The following NARF variants were observed in gnomAD, a reference collection of about 807,000 sequenced individuals.
The protein encoded by NARF is iron-only hydrogenase-like protein 2.
Under a neutral mutation model 48.0 loss-of-function variants are expected in NARF, and 41 were observed. The ratio of observed to expected loss-of-function variants is 0.85; its 90% CI spans 0.66 to 1.11. The LOEUF is 1.11. Among genes scored for constraint, NARF ranks in the 50% least tolerant of loss-of-function variants. The probability of loss-of-function intolerance (pLI) is 0.00; values close to 1 mark genes in which losing one functional copy is unlikely to be tolerated. For missense variants in NARF, 613 were observed against 590.2 expected, an observed-to-expected ratio of 1.04 and a Z score of -0.40; for synonymous variants, 215 against 225.5, an observed-to-expected ratio of 0.95 and a Z score of 0.42.
In NARF at chr17:82,485,505, A is replaced by G; in HGVS notation, c.980A>G (p.Asp327Gly). ...CTGTGTTCATTTTGTAGAAACAAAG[A>G]CTTCCAAGAGGTCACCCTTGAGAAG... ...EVTYRALRNK[D>G]FQEVTLEKNG... Residue 327 changes from aspartate (D) to glycine (G), a missense_variant, in exon 10 of 11, where the codon GAC (aspartate) becomes GGC (glycine). By Grantham distance (94) the Asp-to-Gly change is moderately conservative (BLOSUM62 -1). Transcript: ENST00000309794. 1 of 1,614,022 alleles carries G rather than the reference A, an allele frequency of 6.2e-7. No individual in the cohort carries two copies. The highest frequency in any genetic ancestry group is 8.5e-7 in the Non-Finnish European group (1 of 1,179,934).
intron 3 of NARF, among the ~76,000 whole-genome samples, chr17:82,464,818 G>A (rs536485655): frequency 6.6e-6 from 1 of 152,138 alleles, no homozygotes; most frequent in African/African-American, 2.4e-5. Flanking sequence ...CTAATAGACC[G>A]ATCAGCTTGG....
chr17:82,472,593 G>A lies in NARF; in HGVS notation c.415G>A (p.Ala139Thr). 6.2e-7 allele frequency: 1 copy of A among 1,613,500 alleles called. No homozygotes were observed. The highest frequency in any genetic ancestry group is 1.3e-5 in the African/African-American group (1 of 74,956). Residue 139 changes from alanine (A) to threonine (T), a missense_variant, in exon 5 of 11, where the codon GCT (alanine) becomes ACT (threonine). Ala to Thr is a moderately conservative substitution (Grantham distance 58). Transcript: ENST00000309794. Reference sequence around the variant, plus strand: ...GCACTATGTATTTGATACGACGATAGCTGCGGATTTTAGTATCCTGGAGAG... The same window carrying A: ...GCACTATGTATTTGATACGACGATAACTGCGGATTTTAGTATCCTGGAGAG... ...GVHYVFDTTI[A>T]ADFSILESQK...
At chr17:82,459,289 C>T (rs986983408) in intron 1 of NARF, 1 of 608,418 alleles carries the variant, frequency 1.6e-6, no homozygotes, top group Non-Finnish European at 2.1e-6. Flanking sequence ...TGGCAACAAC[C>T]GCGCAGCGCA....
At chr17:82,474,288 A>C (rs1183486654) in intron 5 of NARF, among the ~76,000 whole-genome samples, 1 of 152,214 alleles carries the variant, frequency 6.6e-6, no homozygotes, top group Non-Finnish European at 1.5e-5. Context: ...TAAAAAAAAT[A>C]CAGAATAAGA....
At position 82,472,664 on chromosome 17, in the gene NARF, A is replaced by G. The variant is rs1271755949; in HGVS notation, c.486A>G (p.Glu162=). 54 of 1,613,764 alleles carry G rather than the reference A, an allele frequency of 3.3e-5. No homozygotes were observed. The highest frequency in any genetic ancestry group is 4.5e-5 in the Non-Finnish European group (53 of 1,179,932). ...VRRYRQHSEE[E]RTLPMLTSAC... is the part of the protein sequence containing the mutation. ...GCTATCGCCAGCACAGTGAGGAGGA[A>G]CGCACCCTGCCCATGCTGACCTCTG... Residue 162 remains glutamate, a synonymous_variant, in exon 5 of 11, where the codon GAA becomes GAG. Coordinates refer to ENST00000309794, the MANE Select transcript of NARF (RefSeq NM_012336.4).
chr17:82,463,592 T>G (rs1472552379), intron 2 of NARF: 1 of 152,572 alleles, frequency 6.6e-6, no homozygotes, highest in Non-Finnish European at 1.5e-5. Context: ...AAGGGGGCTG[T>G]GATGGGACCC....
rs774990543 is a variant in NARF at position 82,485,583 on chromosome 17, A to G, written c.1058A>G (p.Gln353Arg). ...FAAAYGFRNI[Q>R]NMILKLKKGK... ...GCAGCCTATGGCTTTCGAAACATCC[A>G]GAACATGATCCTGAAGCTTAAGAAG... The change falls in exon 10 of 11, where the codon CAG (glutamine) becomes CGG (arginine). Residue 353 changes from glutamine (Q) to arginine (R), a missense_variant. By Grantham distance (43) the Gln-to-Arg change is conservative. Coordinates refer to ENST00000309794, the MANE Select transcript of NARF (RefSeq NM_012336.4). The G allele has an allele frequency of 6.2e-7, 1 of 1,614,262 alleles. No individual in the cohort carries two copies. The highest frequency in any genetic ancestry group is 1.1e-5 in the South Asian group (1 of 91,092).
chr17:82,485,603 A>C lies in NARF; in HGVS notation c.1078A>C (p.Lys360Gln). The change falls in exon 10 of 11, where the codon AAG becomes CAG. Residue 360 changes from lysine to glutamine, a missense_variant. Coordinates refer to ENST00000309794, the MANE Select transcript of NARF (RefSeq NM_012336.4). ...CATCCAGAACATGATCCTGAAGCTT[A>C]AGAAGGGCAAGTTCCCATTCCACTT... The part of the protein sequence containing the change: ...RNIQNMILKL[K>Q]KGKFPFHFVE... 6.2e-7 allele frequency: 1 copy of C among 1,614,210 alleles called. No individual in the cohort carries two copies. Among genetic ancestry groups the C allele is most frequent in the Non-Finnish European group, 8.5e-7 (1 of 1,180,044 alleles).
chr17:82,473,113 G>T (rs1355265260), intron 5 of NARF, among the ~76,000 whole-genome samples: 2 of 151,394 alleles, frequency 1.3e-5, no homozygotes, highest in Admixed American at 1.3e-4. Flanking sequence ...ACTAATTATT[G>T]TATTATTAGT....
intron 7 of NARF, chr17:82,481,927 GA>G (rs1567944209): frequency 9.3e-6 from 3 of 322,770 alleles, no homozygotes; most frequent in Non-Finnish European, 1.2e-5. Context: ...AGAATAAAAT[GA>G]AAAAGGCACG....
intron 5 of NARF, among the ~76,000 whole-genome samples, chr17:82,473,397 C>T (rs1294122213): frequency 6.7e-6 from 1 of 149,360 alleles, no homozygotes; most frequent in South Asian, 2.1e-4. Context: ...CAGGTTCAAG[C>T]GATTCTTTTT....
In NARF at chr17:82,468,871, A is replaced by C; in HGVS notation, c.360A>C (p.Arg120Ser). Residue 120 changes from arginine (R) to serine (S), a missense_variant, in exon 4 of 11, where the codon AGA becomes AGC. Arg to Ser is a moderately radical substitution (Grantham distance 110). Transcript: ENST00000309794. ...TCAGTGTAACTGATGCATCCAGAAG[A>C]CTCTGTGGTTTCCTCAAAAGTCTTG... ...FNLSVTDASR[R>S]LCGFLKSLGV... 1 of 1,613,114 alleles carries C rather than the reference A, an allele frequency of 6.2e-7. No individual in the cohort carries two copies. Among genetic ancestry groups the C allele is most frequent in the Non-Finnish European group, 8.5e-7 (1 of 1,179,648 alleles).
Position 82,483,778 on chromosome 17 carries a change from C to G in NARF, c.832C>G (p.Leu278Val). 1 of 1,613,458 alleles carries G rather than the reference C, an allele frequency of 6.2e-7. No homozygotes were observed. The highest frequency in any genetic ancestry group is 8.5e-7 in the Non-Finnish European group (1 of 1,179,906). Reference sequence around the variant, plus strand: ...AGTGAGAGATGCTGCCGTCGACACTCTGTAAGTGGCTTCTCTGGGGAGAGT... The same window carrying G: ...AGTGAGAGATGCTGCCGTCGACACTGTGTAAGTGGCTTCTCTGGGGAGAGT... ...LSVRDAAVDT[L>V]FGDLKEDKVT... The change falls in exon 8 of 11, where the codon CTG becomes GTG. Residue 278 changes from leucine to valine, a missense_variant and splice_region_variant. Coordinates refer to ENST00000309794, the MANE Select transcript of NARF (RefSeq NM_012336.4).
intron 5 of NARF, among the ~76,000 whole-genome samples, chr17:82,476,031 A>C (rs1805206243): frequency 6.6e-6 from 1 of 152,206 alleles, no homozygotes; most frequent in South Asian, 2.1e-4. Context: ...TTATTGAGAC[A>C]GAGTCTCGCT....
rs1194756754 is a variant in NARF, at chr17:82,485,593, C to G, written c.1068C>G (p.Ile356Met). ...GCTTTCGAAACATCCAGAACATGATCCTGAAGCTTAAGAAGGGCAAGTTCC... is the reference window on the plus strand; with the variant it reads ...GCTTTCGAAACATCCAGAACATGATGCTGAAGCTTAAGAAGGGCAAGTTCC... ...AYGFRNIQNMILKLKKGKFPF... is the reference protein window; with the variant it reads ...AYGFRNIQNMMLKLKKGKFPF... Residue 356 changes from isoleucine to methionine, a missense_variant, in exon 10 of 11, where the codon ATC becomes ATG. Transcript: ENST00000309794. 2.5e-6 allele frequency: 4 copies of G among 1,614,090 alleles called. No individual in the cohort carries two copies. The highest frequency in any genetic ancestry group is 2.5e-6 in the Non-Finnish European group (3 of 1,180,046).
chr17:82,480,413 G>C lies in NARF; in HGVS notation c.640-669G>C, dbSNP rs2043936002. On this transcript the variant is annotated intron_variant, in intron 6 of 10. Transcript: ENST00000309794. ...TTTGTCCCCATGTGCACAGGTTCAGGAGGAAATGGGCTCAGCCTTCCCGGT... is the reference window on the plus strand; with the variant it reads ...TTTGTCCCCATGTGCACAGGTTCAGCAGGAAATGGGCTCAGCCTTCCCGGT... The C allele has an allele frequency of 7.5e-6, 3 of 402,150 alleles. No homozygotes were observed. The East Asian group carries it at 1.1e-4, about 14-fold the overall frequency. 24.9% of individuals were successfully genotyped at this position (402,150 alleles called of 1,614,324 possible). A position where few individuals can be genotyped will look rare whatever the true frequency, so the allele number is the denominator to read the frequency against.
chr17:82,483,698 T>TAC lies in NARF; in HGVS notation c.770-17_770-16dup. The stretch of plus-strand genomic sequence containing the variant: ...GGCCACCTGTGTCTTTTCAGTGTCT[T>TAC]ACTTCGTTTGTCTGCAGGTGAAATT... On this transcript the variant is annotated splice_polypyrimidine_tract_variant and intron_variant, in intron 7 of 10. Transcript: ENST00000309794. 1 of 1,613,628 alleles carries TAC rather than the reference T, an allele frequency of 6.2e-7. No homozygotes were observed. Among genetic ancestry groups the TAC allele is most frequent in the South Asian group, 1.1e-5 (1 of 91,064 alleles).
At chr17:82,475,715 G>A (rs1246260075) in intron 5 of NARF, among the ~76,000 whole-genome samples, 3 of 151,382 alleles carry the variant, frequency 2.0e-5, no homozygotes, top group South Asian at 4.3e-4. Flanking sequence ...CAGAAATGCC[G>A]TCACTGAGAA....
Position 82,471,791 on chromosome 17 carries a change from C to CAA in NARF, c.386-758_386-757dup, listed in dbSNP as rs58302009. ...TGCGCGAAAGAGTGAGACTCCGTCT[C>CAA]AAAAAAAAAAAAAAAAGTATGCCCA... On this transcript the variant is annotated intron_variant, in intron 4 of 10. Coordinates refer to ENST00000309794, the MANE Select transcript of NARF (RefSeq NM_012336.4). Among the ~76,000 whole-genome samples the CAA allele has an allele frequency of 2.1e-3, 135 of 64,602 alleles. 26 individuals are homozygous for CAA. The East Asian group carries it at 0.084, about 40-fold the overall frequency. The allele number at this position is 64,602 out of a possible 152,430, so 42.4% of individuals were successfully genotyped here.
Sources: gnomAD v4.1 joint callset for allele counts (sites outside exome capture counted in the v4.1 genomes callset) on GRCh38, gnomAD v4.1.1 for gene constraint, MANE v1.5 for transcripts, NCBI Gene and HGNC (gene_info 2026-07-23, HGNC 2026-07-21) for gene names.